The following TMTC1 variants were observed in gnomAD, a reference collection of about 807,000 sequenced individuals.
The protein encoded by TMTC1 is transmembrane O-mannosyltransferase targeting cadherins 1, also known as protein O-mannosyl-transferase TMTC1.
In TMTC1, 73 loss-of-function variants were observed where a neutral mutation model predicts 104.8. The ratio of observed to expected loss-of-function variants is 0.70; its 90% CI spans 0.58 to 0.85. The LOEUF is 0.85. Ranked by LOEUF, TMTC1 falls within the 40% of genes least tolerant of loss-of-function variation. The probability of loss-of-function intolerance (pLI) is 0.00; values close to 1 mark genes in which losing one functional copy is unlikely to be tolerated. For synonymous variants in TMTC1, 434 were observed against 428.7 expected, an observed-to-expected ratio of 1.01 and a Z score of -0.15; for missense variants, 1,035 against 1,096.1, an observed-to-expected ratio of 0.94 and a Z score of 0.79.
At chr12:29,705,867 G>A (rs958403436) in intron 5 of TMTC1, among the ~76,000 whole-genome samples, 1 of 151,916 alleles carries the variant, frequency 6.6e-6, no homozygotes, top group Non-Finnish European at 1.5e-5. Context: ...AGGATGGGCA[G>A]AATGAGCCCC....
chr12:29,673,453 GCTT>G (rs1940594924), intron 5 of TMTC1, among the ~76,000 whole-genome samples: 2 of 152,172 alleles, frequency 1.3e-5, no homozygotes, highest in African/African-American at 2.4e-5. Context: ...TTAAAGGCAT[GCTT>G]CTTATGTTCA....
intron 7 of TMTC1, among the ~76,000 whole-genome samples, chr12:29,590,575 G>A (rs546840247): frequency 1.2e-3 from 187 of 152,160 alleles, no homozygotes; most frequent in African/African-American, 3.4e-3. Context: ...TCAGGAGGTC[G>A]GGAGTTTGAG....
chr12:29,614,594 T>C (rs1234569319), intron 6 of TMTC1, among the ~76,000 whole-genome samples: 1 of 152,188 alleles, frequency 6.6e-6, no homozygotes, highest in Non-Finnish European at 1.5e-5. Context: ...AGTTCAGACA[T>C]GCACACACCT....
At chr12:29,603,154 A>C (rs537310239) in intron 7 of TMTC1, among the ~76,000 whole-genome samples, 2 of 152,312 alleles carry the variant, frequency 1.3e-5, no homozygotes, top group East Asian at 3.9e-4. Context: ...AAGACACAGT[A>C]AACAATTAAG....
chr12:29,530,863 A>G (rs1409244981), intron 11 of TMTC1, among the ~76,000 whole-genome samples: 3 of 152,236 alleles, frequency 2.0e-5, no homozygotes, highest in African/African-American at 7.2e-5. Flanking sequence ...TAGAGGGTCT[A>G]TTCCTTCTGA....
intron 11 of TMTC1, chr12:29,533,502 C>T (rs1388383702): frequency 6.6e-6 from 1 of 152,142 alleles, no homozygotes; most frequent in African/African-American, 2.4e-5. Context: ...TGTCTCGAAA[C>T]ATCTCTGTAG....
intron 6 of TMTC1, among the ~76,000 whole-genome samples, chr12:29,607,078 C>A (rs532349257): frequency 9.8e-4 from 149 of 152,248 alleles, no homozygotes; most frequent in African/African-American, 3.4e-3. Flanking sequence ...CGATCAGCCT[C>A]CCCCAGAAAT....
intron 5 of TMTC1, among the ~76,000 whole-genome samples, chr12:29,655,714 C>T (rs1939722961): frequency 6.6e-6 from 1 of 152,122 alleles, no homozygotes; most frequent in Non-Finnish European, 1.5e-5. Flanking sequence ...GTTAAACACA[C>T]AGAAATAGAT....
intron 7 of TMTC1, among the ~76,000 whole-genome samples, chr12:29,600,583 T>C (rs1946537805): frequency 6.6e-6 from 1 of 152,196 alleles, no homozygotes. Flanking sequence ...ATGGATTCAC[T>C]AGAGGTACAG....
intron 6 of TMTC1, among the ~76,000 whole-genome samples, chr12:29,630,087 A>G (rs920721926): frequency 1.3e-5 from 2 of 152,218 alleles, no homozygotes; most frequent in Non-Finnish European, 2.9e-5. Context: ...ATTTCAAGTT[A>G]TAGTCAACCT....
At chr12:29,775,686 T>C (rs977634193) in intron 1 of TMTC1, among the ~76,000 whole-genome samples, 1 of 152,162 alleles carries the variant, frequency 6.6e-6, no homozygotes, top group African/African-American at 2.4e-5. Flanking sequence ...GGTCCCAGTA[T>C]GTAGGCACAA....
intron 5 of TMTC1, among the ~76,000 whole-genome samples, chr12:29,718,021 G>C (rs1390254822): frequency 2.0e-5 from 3 of 152,130 alleles, no homozygotes; most frequent in Non-Finnish European, 4.4e-5. Flanking sequence ...CAATCCATCA[G>C]TTAAAATGTC....
chr12:29,619,628 C>A (rs915962096), intron 6 of TMTC1, among the ~76,000 whole-genome samples: 2 of 152,154 alleles, frequency 1.3e-5, no homozygotes, highest in African/African-American at 4.8e-5. Flanking sequence ...TTTCTTAAAT[C>A]CTGACTATTT....
intron 6 of TMTC1, among the ~76,000 whole-genome samples, chr12:29,616,593 G>A (rs990581396): frequency 3.9e-4 from 59 of 151,430 alleles, no homozygotes; most frequent in African/African-American, 1.3e-3. Context: ...GCTTGAATCC[G>A]GGAGGCGGAG....
chr12:29,601,613 G>A (rs1428609873), intron 7 of TMTC1, among the ~76,000 whole-genome samples: 5 of 150,680 alleles, frequency 3.3e-5, no homozygotes, highest in African/African-American at 1.2e-4. Flanking sequence ...TAGTCTGGAA[G>A]GTAAGAGATC....
At chr12:29,691,030 A>T (rs371406173) in intron 5 of TMTC1, among the ~76,000 whole-genome samples, 35 of 152,310 alleles carry the variant, frequency 2.3e-4, no homozygotes, top group African/African-American at 8.2e-4. Flanking sequence ...CAAAATTGAG[A>T]ATAGCCCTTT....
At chr12:29,515,419 T>C (rs1295604516) in intron 15 of TMTC1, among the ~76,000 whole-genome samples, 1 of 152,158 alleles carries the variant, frequency 6.6e-6, no homozygotes, top group African/African-American at 2.4e-5. Context: ...AGCCTGTGCT[T>C]GCGTTCCTAC....
chr12:29,644,145 G>GTATA (rs1272178344), intron 5 of TMTC1, among the ~76,000 whole-genome samples: 2 of 76,918 alleles, frequency 2.6e-5, no homozygotes, highest in Admixed American at 1.6e-4. Context: ...GTGTGTGTGT[G>GTATA]TGTGTATATA....
At chr12:29,656,357 C>CT (rs1187413675) in intron 5 of TMTC1, among the ~76,000 whole-genome samples, 2,352 of 129,944 alleles carry the variant, frequency 0.018, 38 homozygotes, top group African/African-American at 0.027. Flanking sequence ...TACACATATA[C>CT]TTTTTTTTTT....
Sources: allele counts gnomAD v4.1 joint callset (sites outside exome capture counted in the v4.1 genomes callset), GRCh38; gene constraint gnomAD v4.1.1; transcripts MANE v1.5; gene names NCBI Gene and HGNC (gene_info 2026-07-23, HGNC 2026-07-21).